The following RIC1 variants were observed in gnomAD, a reference collection of about 807,000 sequenced individuals.
RIC1 encodes the protein guanine nucleotide exchange factor subunit RIC1.
A neutral mutation model predicts 169.0 loss-of-function variants in RIC1; 88 were observed. The ratio of observed to expected loss-of-function variants is 0.52; its 90% CI spans 0.44 to 0.62. The LOEUF (loss-of-function observed/expected upper bound fraction) is 0.62, where lower values mean the gene tolerates loss of function less well. Ranked by LOEUF, RIC1 falls within the 20% of genes least tolerant of loss-of-function variation. The pLI, the probability that RIC1 is intolerant of heterozygous loss-of-function variation, is 0.00. For missense variants in RIC1, 1,877 were observed against 1,725.5 expected (o/e 1.09, Z -1.56); for synonymous variants, 790 against 601.5 (o/e 1.31, Z -4.59).
intron 8 of RIC1, among the ~76,000 whole-genome samples, chr9:5,739,884 A>C (rs1187429046): frequency 2.6e-5 from 4 of 152,078 alleles, no homozygotes; most frequent in African/African-American, 9.7e-5. Flanking sequence ...CAGTGCCTTC[A>C]CTTTAACAGT....
chr9:5,672,288 C>T (rs189361221), intron 2 of RIC1, among the ~76,000 whole-genome samples: 1 of 152,196 alleles, frequency 6.6e-6, no homozygotes, highest in South Asian at 2.1e-4. Context: ...CGATGTAAGA[C>T]CAAACTAAAC....
intron 12 of RIC1, among the ~76,000 whole-genome samples, chr9:5,751,498 G>A (rs546393395): frequency 4.0e-5 from 6 of 151,758 alleles, no homozygotes; most frequent in Admixed American, 2.6e-4. Flanking sequence ...TGGGATTGCC[G>A]GCACCTGCCA....
At chr9:5,701,056 C>A (rs1461422716) in intron 3 of RIC1, among the ~76,000 whole-genome samples, 1 of 152,170 alleles carries the variant, frequency 6.6e-6, no homozygotes, top group Non-Finnish European at 1.5e-5. Flanking sequence ...CAAAATTTAT[C>A]AAAACTATCA....
intron 3 of RIC1, among the ~76,000 whole-genome samples, chr9:5,696,109 C>T (rs1428380389): frequency 6.6e-6 from 1 of 152,106 alleles, no homozygotes; most frequent in Admixed American, 6.6e-5. Context: ...CTCTGGAATT[C>T]ATTTAACTCT....
intron 2 of RIC1, among the ~76,000 whole-genome samples, chr9:5,688,243 G>A (rs1019100434): frequency 1.3e-5 from 2 of 152,132 alleles, no homozygotes; most frequent in African/African-American, 4.8e-5. Flanking sequence ...GGACTCTTCA[G>A]CTTCTTCTCA....
At chr9:5,664,038 G>T (rs1819610912) in intron 2 of RIC1, among the ~76,000 whole-genome samples, 1 of 152,072 alleles carries the variant, frequency 6.6e-6, no homozygotes, top group Non-Finnish European at 1.5e-5. Context: ...GTCTGAACAG[G>T]ATCTTGTTTC....
chr9:5,751,318 T>G (rs1026988706), intron 12 of RIC1, among the ~76,000 whole-genome samples: 1 of 151,842 alleles, frequency 6.6e-6, no homozygotes, highest in South Asian at 2.1e-4. Flanking sequence ...AGTGTACCAT[T>G]ATTCTGAACT....
In RIC1 at chr9:5,776,526, C is replaced by G. The variant is rs777237201; in HGVS notation, c.*2280C>G. 6.6e-6 allele frequency: 1 copy of G among 151,932 alleles called. No homozygotes were observed. The highest frequency in any genetic ancestry group is 1.5e-5 in the Non-Finnish European group (1 of 67,926). The allele number at this position is 151,932 out of a possible 1,614,324, so 9.4% of individuals were successfully genotyped here. A position where few individuals can be genotyped will look rare whatever the true frequency, so the allele number is the denominator to read the frequency against. ...TTTCTGTAATGTGTATTTTTCTCCCCTTGGTAAAGGGCAATAAAACCATTA... is the reference window on the plus strand; with the variant it reads ...TTTCTGTAATGTGTATTTTTCTCCCGTTGGTAAAGGGCAATAAAACCATTA... On this transcript the variant is annotated 3_prime_UTR_variant, in exon 26 of 26. Coordinates refer to ENST00000414202, the MANE Select transcript of RIC1 (RefSeq NM_020829.4).
rs74443433 is a variant in RIC1 at position 5,764,520 on chromosome 9, T to G, written c.2841+652T>G. Among the ~76,000 whole-genome samples, 529 of 152,352 alleles carry G rather than the reference T, an allele frequency of 3.5e-3. 8 individuals carry two copies. The East Asian group carries it at 0.035, about 10-fold the overall frequency. ...TTTGATAGGCTACACTTAAAGATTC[T>G]TTCCAGTTACTGCAAAGTTGTTTCC... On this transcript the variant is annotated intron_variant, in intron 19 of 25. Coordinates refer to ENST00000414202, the MANE Select transcript of RIC1 (RefSeq NM_020829.4).
chr9:5,656,401 A>T (rs1026432429), intron 1 of RIC1, among the ~76,000 whole-genome samples, 182 bp from the exon 2 acceptor site: 1 of 152,152 alleles, frequency 6.6e-6, no homozygotes, highest in Admixed American at 6.5e-5. Flanking sequence ...ATACAGGCGT[A>T]GGTTTAGGTC....
intron 2 of RIC1, among the ~76,000 whole-genome samples, chr9:5,668,791 T>C (rs1819930471): frequency 6.6e-6 from 1 of 152,156 alleles, no homozygotes; most frequent in African/African-American, 2.4e-5. Flanking sequence ...GTTTTCTTGA[T>C]TTTCTTTAGT....
chr9:5,697,317 C>T (rs1256752729), intron 3 of RIC1, among the ~76,000 whole-genome samples: 5 of 152,188 alleles, frequency 3.3e-5, no homozygotes, highest in Admixed American at 6.5e-5. Context: ...TGACTTCTGC[C>T]AGAAAACCTG....
intron 2 of RIC1, among the ~76,000 whole-genome samples, chr9:5,687,546 T>C (rs1172397225): frequency 6.6e-6 from 1 of 152,194 alleles, no homozygotes; most frequent in Non-Finnish European, 1.5e-5. Flanking sequence ...GATGTATTTT[T>C]AAAATTTCCC....
chr9:5,650,577 C>T (rs1052559167), intron 1 of RIC1, among the ~76,000 whole-genome samples: 1 of 151,930 alleles, frequency 6.6e-6, no homozygotes, highest in Non-Finnish European at 1.5e-5. Context: ...GTATGGTATG[C>T]TTTGCTCCAA....
At chr9:5,768,130 C>T (rs1276915488) in intron 21 of RIC1, among the ~76,000 whole-genome samples, 1 of 152,244 alleles carries the variant, frequency 6.6e-6, no homozygotes, top group Non-Finnish European at 1.5e-5. Flanking sequence ...AACTGCCTCT[C>T]ACTTAAAGCA....
chr9:5,629,616 C>T (rs970815241), intron 1 of RIC1, among the ~76,000 whole-genome samples, 163 bp downstream of exon 1: 2 of 152,188 alleles, frequency 1.3e-5, no homozygotes, highest in African/African-American at 4.8e-5. Context: ...CGCAGGTACC[C>T]GCCGGCTGCA....
intron 2 of RIC1, among the ~76,000 whole-genome samples, chr9:5,689,168 C>T (rs1821445306): frequency 6.7e-6 from 1 of 150,272 alleles, no homozygotes; most frequent in Non-Finnish European, 1.5e-5. Context: ...CCTGCCTCAG[C>T]CTCCTGAGTA....
Position 5,629,212 on chromosome 9 carries a change from G to A in RIC1, c.-98G>A, listed in dbSNP as rs1817595535. On this transcript the variant is annotated 5_prime_UTR_variant, in exon 1 of 26. Coordinates refer to ENST00000414202, the MANE Select transcript of RIC1 (RefSeq NM_020829.4). ...GCCCCGAGCTGCCGCCGCCGCCGCC[G>A]CCGACTCGGCCGGTGGCGGTGTGGG... The A allele has an allele frequency of 5.8e-6, 7 of 1,202,606 alleles. No homozygotes were observed. Among genetic ancestry groups the A allele is most frequent in the East Asian group, 6.5e-5 (2 of 30,704 alleles). The allele number at this position is 1,202,606 out of a possible 1,614,324, so 74.5% of individuals were successfully genotyped here. A position where few individuals can be genotyped will look rare whatever the true frequency, so the allele number is the denominator to read the frequency against.
At chr9:5,656,547 A>T (rs989785966) in intron 1 of RIC1, 36 bp from the exon 2 acceptor site, 9 of 1,083,924 alleles carry the variant, frequency 8.3e-6, no homozygotes, top group Non-Finnish European at 1.2e-5. Flanking sequence ...AGATATTGAT[A>T]AAAAATACAA....
Sources: allele counts gnomAD v4.1 joint callset (sites outside exome capture counted in the v4.1 genomes callset), GRCh38; gene constraint gnomAD v4.1.1; transcripts MANE v1.5; gene names NCBI Gene and HGNC (gene_info 2026-07-23, HGNC 2026-07-21).